MERTK: variants seen among roughly 807,000 people sequenced by gnomAD.
MERTK encodes the protein tyrosine-protein kinase Mer.
Under a neutral mutation model 99.3 loss-of-function variants are expected in MERTK, and 69 were observed. The ratio of observed to expected loss-of-function variants is 0.70; its 90% CI spans 0.57 to 0.85. MERTK has a LOEUF of 0.85. MERTK is among the 40% of genes least tolerant of loss of function. MERTK has a pLI of 0.00. For missense variants in MERTK, 1,125 were observed against 1,249.4 expected (o/e 0.90, Z 1.50); for synonymous variants, 426 against 467.6 (o/e 0.91, Z 1.15).
intron 7 of MERTK, among the ~76,000 whole-genome samples, chr2:111,977,401 G>A (rs543077633): frequency 5.9e-5 from 9 of 151,936 alleles, no homozygotes; most frequent in East Asian, 1.9e-4. Flanking sequence ...CTATCTTCTC[G>A]CTTGCATTGT....
intron 2 of MERTK, among the ~76,000 whole-genome samples, chr2:111,939,359 C>CT (rs1237543124): frequency 6.6e-6 from 1 of 152,038 alleles, no homozygotes; most frequent in African/African-American, 2.4e-5. Flanking sequence ...AGGGCAGAGT[C>CT]CTCATGACCC....
At chr2:111,908,605 T>C (rs373771015) in intron 1 of MERTK, among the ~76,000 whole-genome samples, 6 of 152,336 alleles carry the variant, frequency 3.9e-5, no homozygotes, top group African/African-American at 1.4e-4. Context: ...CCATGTCAGT[T>C]ACATTTGATT....
chr2:111,908,293 C>G (rs1223265598), intron 1 of MERTK, among the ~76,000 whole-genome samples: 1 of 152,024 alleles, frequency 6.6e-6, no homozygotes, highest in Non-Finnish European at 1.5e-5. Flanking sequence ...CCCTTTTTAC[C>G]ATTATATTTT....
intron 8 of MERTK, among the ~76,000 whole-genome samples, chr2:111,988,893 A>G (rs902060838): frequency 1.3e-5 from 2 of 152,288 alleles, no homozygotes; most frequent in South Asian, 2.1e-4. Context: ...AGGTTGCAGT[A>G]AGCCAAGATG....
intron 1 of MERTK, among the ~76,000 whole-genome samples, chr2:111,918,495 G>A (rs1684394279): frequency 6.6e-6 from 1 of 152,126 alleles, no homozygotes; most frequent in Non-Finnish European, 1.5e-5. Context: ...CCCCAGAGGG[G>A]AAAGCCCCTT....
intron 1 of MERTK, among the ~76,000 whole-genome samples, chr2:111,905,702 C>T (rs1684125237): frequency 6.6e-6 from 1 of 152,104 alleles, no homozygotes; most frequent in South Asian, 2.1e-4. Context: ...CTCCTGGCCT[C>T]AGGTGATTGG....
At chr2:111,989,157 T>C (rs186485661) in intron 8 of MERTK, among the ~76,000 whole-genome samples, 31 of 152,196 alleles carry the variant, frequency 2.0e-4, no homozygotes, top group African/African-American at 7.2e-4. Flanking sequence ...AATTCCACAG[T>C]GTGGCCTCTC....
chr2:111,905,002 C>G (rs1684110966), intron 1 of MERTK, among the ~76,000 whole-genome samples: 1 of 152,232 alleles, frequency 6.6e-6, no homozygotes, highest in South Asian at 2.1e-4. Context: ...GTCTCCCACT[C>G]CTGCCTCCAG....
At chr2:112,027,953 A>G (rs543352082) in intron 18 of MERTK, among the ~76,000 whole-genome samples, 1 of 152,368 alleles carries the variant, frequency 6.6e-6, no homozygotes, top group Admixed American at 6.5e-5. Context: ...CCATTGTGAC[A>G]TAAGAAGTCA....
chr2:111,905,404 A>G (rs1305835925), intron 1 of MERTK, among the ~76,000 whole-genome samples: 3 of 151,214 alleles, frequency 2.0e-5, no homozygotes, highest in African/African-American at 4.9e-5. Context: ...ATTATGTCTC[A>G]AACATTTCAT....
intron 18 of MERTK, 132 bp from the exon 19 acceptor site, chr2:112,028,219 T>A (rs1292549058): frequency 7.9e-6 from 8 of 1,018,648 alleles, no homozygotes; most frequent in Non-Finnish European, 1.2e-5. Context: ...CAAAAAAGTC[T>A]CAATAATTTT....
chr2:112,018,601 G>A (rs936375282), intron 15 of MERTK, among the ~76,000 whole-genome samples: 6 of 152,144 alleles, frequency 3.9e-5, no homozygotes, highest in Non-Finnish European at 7.3e-5. Flanking sequence ...GGTACATAAT[G>A]GATGGACCCA....
At chr2:111,958,829 A>G (rs370869965) in intron 4 of MERTK, among the ~76,000 whole-genome samples, 5 of 152,276 alleles carry the variant, frequency 3.3e-5, no homozygotes, top group South Asian at 4.2e-4. Flanking sequence ...TATAGGTTCT[A>G]TAACTGGATA....
chr2:111,918,705 G>T (rs908042750), intron 1 of MERTK, among the ~76,000 whole-genome samples: 14 of 152,244 alleles, frequency 9.2e-5, no homozygotes, highest in African/African-American at 3.4e-4. Context: ...GGCATGACTA[G>T]TTGCACCTTT....
At chr2:112,011,974 C>G (rs1396770782) in intron 15 of MERTK, among the ~76,000 whole-genome samples, 1 of 152,076 alleles carries the variant, frequency 6.6e-6, no homozygotes. Context: ...CACAGGGGCT[C>G]AAATGCCCAG....
chr2:111,992,750 CAAAA>C (rs35097651), intron 8 of MERTK, among the ~76,000 whole-genome samples: 2 of 104,656 alleles, frequency 1.9e-5, no homozygotes, highest in Non-Finnish European at 2.0e-5. Context: ...GACTCCGTCT[CAAAA>C]AAAAAAAAAA....
chr2:111,941,979 C>G (rs1417810077), intron 2 of MERTK, among the ~76,000 whole-genome samples: 1 of 152,188 alleles, frequency 6.6e-6, no homozygotes, highest in Non-Finnish European at 1.5e-5. Context: ...TCCTTTGTGC[C>G]TCATAGTTTC....
intron 2 of MERTK, among the ~76,000 whole-genome samples, chr2:111,932,502 T>G (rs1684692023): frequency 6.6e-6 from 1 of 152,204 alleles, no homozygotes; most frequent in African/African-American, 2.4e-5. Flanking sequence ...TTAGTTGAAT[T>G]AGGTAGCATA....
rs142146259 is a variant in MERTK at position 111,973,484 on chromosome 2, T to C, written c.961-1805T>C. 6.5e-3 allele frequency among the ~76,000 whole-genome samples: 983 copies of C among 152,280 alleles called. 13 individuals are homozygous for C. Among genetic ancestry groups the C allele is most frequent in the African/African-American group, 0.023 (947 of 41,538 alleles). On this transcript the variant is annotated intron_variant, in intron 6 of 18. Transcript: ENST00000295408. The stretch of plus-strand genomic sequence containing the variant: ...ACCCCCACACCGTACTCCTGGTATC[T>C]GCCAGGGGATTTGGAATTCCAGAAT...
Sources: gnomAD v4.1 joint callset for allele counts (sites outside exome capture counted in the v4.1 genomes callset) on GRCh38, gnomAD v4.1.1 for gene constraint, MANE v1.5 for transcripts, NCBI Gene and HGNC (gene_info 2026-07-23, HGNC 2026-07-21) for gene names.